The following FGGY variants were observed in gnomAD, a reference collection of about 807,000 sequenced individuals.
FGGY encodes FGGY carbohydrate kinase domain containing.
In FGGY, 72 loss-of-function variants were observed where a neutral mutation model predicts 71.3. The ratio of observed to expected loss-of-function variants is 1.01; its 90% CI spans 0.84 to 1.23. The LOEUF (loss-of-function observed/expected upper bound fraction) is 1.23. Among genes scored for constraint, FGGY ranks in the 50% most tolerant of loss-of-function variants. The pLI, the probability that FGGY is intolerant of heterozygous loss-of-function variation, is 0.00. For missense variants in FGGY, 668 were observed against 682.3 expected (o/e 0.98, Z 0.23); for synonymous variants, 251 against 250.3 (o/e 1.00, Z -0.02).
At chr1:59,450,840 A>C (rs2072530574) in intron 5 of FGGY, among the ~76,000 whole-genome samples, 1 of 152,004 alleles carries the variant, frequency 6.6e-6, no homozygotes, top group Non-Finnish European at 1.5e-5. Flanking sequence ...TTTGATACTT[A>C]TATTGTCATT....
At chr1:59,414,560 C>T (rs905826386) in intron 5 of FGGY, among the ~76,000 whole-genome samples, 2 of 152,128 alleles carry the variant, frequency 1.3e-5, no homozygotes, top group Non-Finnish European at 2.9e-5. Flanking sequence ...AGTGTATCAG[C>T]CATGGATCCT....
intron 4 of FGGY, among the ~76,000 whole-genome samples, chr1:59,373,772 T>A (rs1206275915): frequency 4.6e-5 from 7 of 152,102 alleles, no homozygotes; most frequent in Non-Finnish European, 1.0e-4. Flanking sequence ...AACTATCTGA[T>A]CTTTGACAAA....
intron 14 of FGGY, among the ~76,000 whole-genome samples, chr1:59,679,033 A>T (rs2097465911): frequency 6.6e-6 from 1 of 152,186 alleles, no homozygotes; most frequent in Admixed American, 6.5e-5. Context: ...AGACCAATAC[A>T]TGTAAGTGGC....
chr1:59,337,001 G>GTATGTA (rs1321524127), intron 2 of FGGY, among the ~76,000 whole-genome samples: 1 of 142,242 alleles, frequency 7.0e-6, no homozygotes, highest in African/African-American at 2.8e-5. Context: ...ATATGTACAT[G>GTATGTA]TATGTATATG....
chr1:59,440,026 A>G (rs1210564336), intron 5 of FGGY, among the ~76,000 whole-genome samples: 3 of 150,296 alleles, frequency 2.0e-5, no homozygotes, highest in East Asian at 2.0e-4. Flanking sequence ...AACCATTCCC[A>G]TCTCAGTTTC....
At chr1:59,620,525 T>C (rs1374376798) in intron 9 of FGGY, among the ~76,000 whole-genome samples, 1 of 152,086 alleles carries the variant, frequency 6.6e-6, no homozygotes, top group East Asian at 1.9e-4. Flanking sequence ...AAGATAAATA[T>C]GATTTGATTT....
At chr1:59,326,134 T>C (rs979243482) in intron 2 of FGGY, among the ~76,000 whole-genome samples, 1 of 152,262 alleles carries the variant, frequency 6.6e-6, no homozygotes, top group Non-Finnish European at 1.5e-5. Flanking sequence ...CAGGTGTTTG[T>C]TGAGTATCAT....
At chr1:59,479,152 G>A (rs2093378501) in intron 6 of FGGY, among the ~76,000 whole-genome samples, 2 of 152,180 alleles carry the variant, frequency 1.3e-5, no homozygotes, top group African/African-American at 4.8e-5. Context: ...GCATAAAGAA[G>A]TTAATCACCC....
intron 14 of FGGY, among the ~76,000 whole-genome samples, chr1:59,702,966 C>G (rs1333956016): frequency 1.3e-5 from 2 of 152,140 alleles, no homozygotes; most frequent in Non-Finnish European, 2.9e-5. Flanking sequence ...GTTGGACACA[C>G]TGCTGCTATT....
intron 14 of FGGY, among the ~76,000 whole-genome samples, chr1:59,708,327 G>A (rs921488645): frequency 6.6e-6 from 1 of 151,824 alleles, no homozygotes; most frequent in African/African-American, 2.4e-5. Context: ...CTAAGAATCA[G>A]ACTCCCAGAT....
intron 8 of FGGY, among the ~76,000 whole-genome samples, chr1:59,592,191 C>T (rs900839565): frequency 2.0e-5 from 3 of 152,130 alleles, no homozygotes; most frequent in Non-Finnish European, 2.9e-5. Context: ...AAAATGCTCA[C>T]CATCACTGGC....
At chr1:59,407,595 C>G (rs1444009820) in intron 5 of FGGY, among the ~76,000 whole-genome samples, 1 of 152,182 alleles carries the variant, frequency 6.6e-6, no homozygotes, top group Non-Finnish European at 1.5e-5. Context: ...TGACCAGGCT[C>G]TAACAGGGCC....
intron 5 of FGGY, among the ~76,000 whole-genome samples, chr1:59,398,264 A>G (rs79356909): frequency 1.3e-5 from 2 of 151,950 alleles, no homozygotes; most frequent in African/African-American, 4.8e-5. Flanking sequence ...TTTTTGAGAC[A>G]TGGTTTCACT....
rs190504018 is a variant in FGGY at position 59,675,054 on chromosome 1, A to G, written c.1512+921A>G. ...TCCCTGCAATAGCTCTATTATCCCC[A>G]TTTTATAGTTGAGGAACCTGAGGCA... On this transcript the variant is annotated intron_variant, in intron 14 of 15. Coordinates refer to ENST00000303721, the MANE Select transcript of FGGY (RefSeq NM_018291.5). 1.7e-3 allele frequency among the ~76,000 whole-genome samples: 259 copies of G among 152,276 alleles called. 2 individuals are homozygous for G. Among genetic ancestry groups the G allele is most frequent in the Non-Finnish European group, 3.0e-3 (204 of 68,020 alleles).
chr1:59,444,083 A>G (rs942591805), intron 5 of FGGY, among the ~76,000 whole-genome samples: 1 of 152,190 alleles, frequency 6.6e-6, no homozygotes, highest in Non-Finnish European at 1.5e-5. Flanking sequence ...AGGCAGGAGC[A>G]AACCCAAGGG....
chr1:59,491,539 A>G (rs1045290000), intron 6 of FGGY, among the ~76,000 whole-genome samples: 1 of 151,746 alleles, frequency 6.6e-6, no homozygotes, highest in African/African-American at 2.4e-5. Flanking sequence ...AATGCTACTG[A>G]TTTTTCATGT....
chr1:59,360,233 G>A (rs77541063), intron 4 of FGGY, among the ~76,000 whole-genome samples: 3,720 of 151,896 alleles, frequency 0.024, 170 homozygotes, highest in African/African-American at 0.086. Context: ...CAACTGGTGC[G>A]TGTAAGCCCT....
At chr1:59,637,027 G>T (rs1022116117) in intron 10 of FGGY, among the ~76,000 whole-genome samples, 14 of 152,148 alleles carry the variant, frequency 9.2e-5, no homozygotes, top group African/African-American at 3.4e-4. Context: ...GAAATCATTG[G>T]TTCAGAACTT....
chr1:59,704,364 C>T (rs555461370), intron 14 of FGGY, among the ~76,000 whole-genome samples: 4 of 152,114 alleles, frequency 2.6e-5, no homozygotes, highest in African/African-American at 7.2e-5. Context: ...TGTAAAAGCA[C>T]GAACAATGTA....
Sources: allele counts gnomAD v4.1 joint callset (sites outside exome capture counted in the v4.1 genomes callset), GRCh38; gene constraint gnomAD v4.1.1; transcripts MANE v1.5; gene names NCBI Gene and HGNC (gene_info 2026-07-23, HGNC 2026-07-21).